OSBPL10: variants seen among roughly 807,000 people sequenced by gnomAD.
OSBPL10 encodes oxysterol binding protein like 10.
Under a neutral mutation model 81.7 loss-of-function variants are expected in OSBPL10, and 49 were observed. The ratio of observed to expected loss-of-function variants is 0.60; its 90% CI spans 0.48 to 0.76. The LOEUF is 0.76. Among genes scored for constraint, OSBPL10 ranks in the 30% least tolerant of loss-of-function variants. The pLI is 0.00. For synonymous variants in OSBPL10, 419 were observed against 383.6 expected (o/e 1.09, Z -1.08); for missense variants, 923 against 987.8 (o/e 0.93, Z 0.88).
chr3:31,888,911 G>A (rs569122170), intron 1 of OSBPL10, among the ~76,000 whole-genome samples: 3 of 152,210 alleles, frequency 2.0e-5, no homozygotes, highest in Admixed American at 6.5e-5. Context: ...GTGACAGAGT[G>A]AGACTCCATC....
intron 1 of OSBPL10, among the ~76,000 whole-genome samples, chr3:31,946,027 C>A (rs1037973029): frequency 1.3e-5 from 2 of 151,776 alleles, no homozygotes; most frequent in Non-Finnish European, 2.9e-5. Flanking sequence ...GTTGCCCAGG[C>A]TGGAGTGCAA....
intron 5 of OSBPL10, among the ~76,000 whole-genome samples, chr3:31,737,092 G>C (rs1186252146): frequency 6.6e-6 from 1 of 152,136 alleles, no homozygotes; most frequent in Non-Finnish European, 1.5e-5. Flanking sequence ...TCTTGGGATA[G>C]ACAAAGACCA....
At chr3:31,781,622 C>T (rs1464378466) in intron 4 of OSBPL10, among the ~76,000 whole-genome samples, 2 of 152,164 alleles carry the variant, frequency 1.3e-5, no homozygotes, top group African/African-American at 2.4e-5. Context: ...GATACAAAAT[C>T]AATGTACACA....
intron 6 of OSBPL10, among the ~76,000 whole-genome samples, chr3:31,724,425 C>T (rs1696746179): frequency 6.6e-6 from 1 of 151,984 alleles, no homozygotes; most frequent in Non-Finnish European, 1.5e-5. Flanking sequence ...CTCCTAAGGC[C>T]GCTCCCAAAG....
chr3:31,747,481 T>A (rs1697560426), intron 5 of OSBPL10, among the ~76,000 whole-genome samples: 1 of 105,994 alleles, frequency 9.4e-6, no homozygotes, highest in Non-Finnish European at 1.9e-5. Flanking sequence ...GAAATGAATC[T>A]TCAAATAAAA....
chr3:31,809,034 G>A (rs974678651), intron 4 of OSBPL10, among the ~76,000 whole-genome samples: 2 of 152,068 alleles, frequency 1.3e-5, no homozygotes, highest in East Asian at 3.8e-4. Context: ...AGCATTTTCA[G>A]CAAAAGTAAG....
chr3:31,670,756 CTTG>C, intron 9 of OSBPL10, 38 bp downstream of exon 9: 2 of 1,554,930 alleles, frequency 1.3e-6, no homozygotes, highest in South Asian at 1.2e-5. Context: ...CTCAGGGCAT[CTTG>C]TTAAGACAAA....
intron 4 of OSBPL10, among the ~76,000 whole-genome samples, chr3:31,790,755 ACAC>A (rs1698989348): frequency 6.7e-6 from 1 of 149,892 alleles, no homozygotes; most frequent in African/African-American, 2.5e-5. Flanking sequence ...CTGATAATAA[ACAC>A]CACACTCTGA....
chr3:31,866,694 A>C (rs975766563), intron 3 of OSBPL10, among the ~76,000 whole-genome samples: 2 of 152,150 alleles, frequency 1.3e-5, no homozygotes, highest in African/African-American at 4.8e-5. Flanking sequence ...CAGGTCCCTC[A>C]CAGCTAGAAG....
At chr3:31,904,610 T>TA (rs1421028532) in intron 1 of OSBPL10, among the ~76,000 whole-genome samples, 1 of 151,718 alleles carries the variant, frequency 6.6e-6, no homozygotes, top group East Asian at 1.9e-4. Context: ...ATCCACAGAG[T>TA]AAAAACACAA....
chr3:31,990,972 C>G, intron 2 of OSBPL10: 1 of 1,571,102 alleles, frequency 6.4e-7, no homozygotes, highest in Non-Finnish European at 8.6e-7. Flanking sequence ...GCAAGGTCTT[C>G]AGTTAGAGGT....
Position 31,974,683 on chromosome 3 carries a change from ACT to A in OSBPL10, c.281+6214_281+6215del, listed in dbSNP as rs1033894358. ...ACACAGTTCAAAAGGAGACCAAACA[ACT>A]CAGTGGTGTTGAGGTCAGAATAGCA... On this transcript the variant is annotated intron_variant, in intron 1 of 11. Transcript: ENST00000396556. Among the ~76,000 whole-genome samples, 65 of 152,168 alleles carry A rather than the reference ACT, an allele frequency of 4.3e-4. 2 individuals are homozygous for A. The highest frequency in any genetic ancestry group is 1.0e-4 in the Non-Finnish European group (7 of 68,022).
chr3:31,732,971 T>A (rs1697025014), intron 6 of OSBPL10: 1 of 454,914 alleles, frequency 2.2e-6, no homozygotes, highest in Non-Finnish European at 3.9e-6. Context: ...TGTTAACGGG[T>A]CTGTTCGAAT....
intron 2 of OSBPL10, among the ~76,000 whole-genome samples, chr3:32,009,705 T>A (rs1379115341): frequency 1.3e-5 from 2 of 152,212 alleles, no homozygotes; most frequent in Non-Finnish European, 2.9e-5. Context: ...TATGGACGGA[T>A]GCGAGGTAGT....
chr3:31,752,684 A>G (rs931987111), intron 4 of OSBPL10, among the ~76,000 whole-genome samples: 10 of 152,248 alleles, frequency 6.6e-5, no homozygotes, highest in African/African-American at 2.2e-4. Context: ...TAGCTCAACA[A>G]GTTTAAATCT....
At chr3:31,680,784 C>T (rs1197564141) in intron 8 of OSBPL10, among the ~76,000 whole-genome samples, 1 of 152,140 alleles carries the variant, frequency 6.6e-6, no homozygotes, top group East Asian at 1.9e-4. Context: ...ATATGGTGGA[C>T]AAATGCCCTT....
At chr3:31,807,300 G>A (rs1699543399) in intron 4 of OSBPL10, among the ~76,000 whole-genome samples, 1 of 152,010 alleles carries the variant, frequency 6.6e-6, no homozygotes, top group Non-Finnish European at 1.5e-5. Flanking sequence ...TTGAACCCAG[G>A]AGGTGTAGGC....
chr3:31,787,548 T>C (rs903439361), intron 4 of OSBPL10, among the ~76,000 whole-genome samples: 53 of 151,092 alleles, frequency 3.5e-4, no homozygotes, highest in Admixed American at 8.6e-4. Flanking sequence ...TGAGCCGAGA[T>C]TGCGCCACTG....
chr3:31,944,821 A>G (rs1008661362), intron 1 of OSBPL10, among the ~76,000 whole-genome samples: 1 of 127,878 alleles, frequency 7.8e-6, no homozygotes, highest in African/African-American at 3.0e-5. Context: ...ACAGAGCAAG[A>G]CCCCCTCTCT....
Sources: gnomAD v4.1 joint callset for allele counts (sites outside exome capture counted in the v4.1 genomes callset) on GRCh38, gnomAD v4.1.1 for gene constraint, MANE v1.5 for transcripts, NCBI Gene and HGNC (gene_info 2026-07-23, HGNC 2026-07-21) for gene names.